HYCC1: variants seen among roughly 807,000 people sequenced by gnomAD.
HYCC1 encodes the protein hyccin PI4KA lipid kinase complex subunit 1, also known as hyccin.
the HYCC1 span, among the ~76,000 whole-genome samples, chr7:22,962,653 A>G: frequency 6.6e-6 from 1 of 151,800 alleles, no homozygotes; most frequent in Non-Finnish European, 1.5e-5. Flanking sequence ...AAGGGGCAGG[A>G]CTACTGAGAA....
At chr7:22,921,968 C>A in the HYCC1 span, among the ~76,000 whole-genome samples, 1 of 151,836 alleles carries the variant, frequency 6.6e-6, no homozygotes, top group African/African-American at 2.4e-5. Context: ...GTAAGAAAAA[C>A]TCAAAAGCCT....
chr7:22,943,476 G>T, the HYCC1 span: 3 of 152,102 alleles, frequency 2.0e-5, no homozygotes, highest in East Asian at 3.9e-4. Context: ...CTACTTACTG[G>T]TCCTCAGACC....
At chr7:22,947,012 A>G in the HYCC1 span, 1 of 1,549,770 alleles carries the variant, frequency 6.5e-7, no homozygotes, top group South Asian at 1.2e-5. Flanking sequence ...AGTTTATTCC[A>G]TCCTCCATCA....
chr7:22,924,105 G>A, the HYCC1 span, among the ~76,000 whole-genome samples: 25 of 151,372 alleles, frequency 1.7e-4, no homozygotes, highest in African/African-American at 6.1e-4. Context: ...CTTGAACCCA[G>A]GGGGTGAAAG....
the HYCC1 span, chr7:22,935,731 C>T: frequency 3.3e-5 from 5 of 152,022 alleles, no homozygotes; most frequent in South Asian, 2.1e-4. Context: ...CCTCAACCTC[C>T]GCTTCTCAGG....
chr7:23,010,566 T>C, the HYCC1 span, among the ~76,000 whole-genome samples: 17 of 152,336 alleles, frequency 1.1e-4, no homozygotes, highest in South Asian at 2.1e-4. Context: ...GAGGTGAATA[T>C]TATTTTGATT....
the HYCC1 span, among the ~76,000 whole-genome samples, chr7:22,950,342 A>G: frequency 2.6e-5 from 4 of 151,880 alleles, no homozygotes; most frequent in East Asian, 7.7e-4. Context: ...TGTTTCCTAG[A>G]CCTAAGTTCC....
At chr7:23,013,578 G>A in the HYCC1 span, among the ~76,000 whole-genome samples, 3 of 152,162 alleles carry the variant, frequency 2.0e-5, no homozygotes, top group African/African-American at 7.2e-5. Context: ...GGCGGCACCC[G>A]GGTCACAGCA....
the HYCC1 span, among the ~76,000 whole-genome samples, chr7:22,993,944 T>C: frequency 7.2e-5 from 11 of 152,200 alleles, no homozygotes; most frequent in Non-Finnish European, 1.5e-4. Flanking sequence ...CTCTGAAAGC[T>C]ATGTTCAGAA....
the HYCC1 span, among the ~76,000 whole-genome samples, chr7:22,908,051 C>T: frequency 6.6e-6 from 1 of 152,120 alleles, no homozygotes; most frequent in South Asian, 2.1e-4. Context: ...CTGAGGGCTG[C>T]CCTCAAGCAA....
the HYCC1 span, among the ~76,000 whole-genome samples, chr7:22,957,545 G>A: frequency 0.44 from 66,258 of 151,680 alleles, 14,719 homozygotes; most frequent in African/African-American, 0.54. Context: ...GGAGAAAGAG[G>A]AAAAAAAGAA....
At chr7:22,976,400 G>T in the HYCC1 span, 1 of 876,700 alleles carries the variant, frequency 1.1e-6, no homozygotes, top group Non-Finnish European at 1.9e-6. Context: ...GAGATACAAT[G>T]TTACAGAACA....
At chr7:22,961,074 A>G in the HYCC1 span, among the ~76,000 whole-genome samples, 1 of 152,238 alleles carries the variant, frequency 6.6e-6, no homozygotes. Context: ...AAAAAAAATT[A>G]TTTGTTACTT....
chr7:22,993,128 A>G, the HYCC1 span, among the ~76,000 whole-genome samples: 2 of 152,192 alleles, frequency 1.3e-5, no homozygotes, highest in Non-Finnish European at 2.9e-5. Flanking sequence ...ACTGAAATTC[A>G]GTGAGGAAAG....
the HYCC1 span, among the ~76,000 whole-genome samples, chr7:23,009,402 A>C: frequency 3.9e-5 from 6 of 152,330 alleles, no homozygotes; most frequent in African/African-American, 1.2e-4. Context: ...CTTCCTCTCT[A>C]GAAAAGAATC....
the HYCC1 span, among the ~76,000 whole-genome samples, chr7:22,905,384 G>GTTTTTTTTTTTTTTTT: frequency 1.6e-5 from 1 of 62,388 alleles, no homozygotes; most frequent in African/African-American, 6.7e-5. Context: ...GGCTAATTTT[G>GTTTTTTTTTTTTTTTT]TATTTTTTTT....
the HYCC1 span, among the ~76,000 whole-genome samples, chr7:22,917,787 A>G: frequency 6.6e-6 from 1 of 152,178 alleles, no homozygotes; most frequent in Admixed American, 6.5e-5. Flanking sequence ...AGTCTCTCTT[A>G]AAGTGGATAA....
the HYCC1 span, among the ~76,000 whole-genome samples, chr7:22,903,029 C>A: frequency 6.6e-5 from 10 of 152,088 alleles, no homozygotes; most frequent in African/African-American, 2.4e-4. Context: ...TACCACCTCA[C>A]ACATACTAGA....
chr7:22,937,042 TAAACTAGAGGGG>T, the HYCC1 span: 1 of 152,122 alleles, frequency 6.6e-6, no homozygotes, highest in African/African-American at 2.4e-5. Context: ...ACAAAAGTCT[TAAACTAGAGGGG>T]AAACTAGAGG....
Sources: gnomAD v4.1 joint callset for allele counts (sites outside exome capture counted in the v4.1 genomes callset) on GRCh38, gnomAD v4.1.1 for gene constraint, MANE v1.5 for transcripts, NCBI Gene and HGNC (gene_info 2026-07-23, HGNC 2026-07-21) for gene names.